Variants in RAD54L observed in about 807,000 individuals in gnomAD.
RAD54L encodes the protein RAD54 like.
A neutral mutation model predicts 91.6 loss-of-function variants in RAD54L; 74 were observed. The ratio of observed to expected loss-of-function variants is 0.81; its 90% CI spans 0.67 to 0.98. The LOEUF is 0.98. Among genes scored for constraint, RAD54L ranks in the 50% least tolerant of loss-of-function variants. The probability of loss-of-function intolerance (pLI) is 0.00; values close to 1 mark genes in which losing one functional copy is unlikely to be tolerated. For synonymous variants in RAD54L, 304 were observed against 349.7 expected, an observed-to-expected ratio of 0.87 and a Z score of 1.46; for missense variants, 887 against 945.7, an observed-to-expected ratio of 0.94 and a Z score of 0.81.
chr1:46,251,385 ACACAAAC>A (rs1452569206), intron 3 of RAD54L, among the ~76,000 whole-genome samples: 2 of 152,190 alleles, frequency 1.3e-5, no homozygotes, highest in East Asian at 3.8e-4. Context: ...AAGTTATAAA[ACACAAAC>A]ACCCGTGAAC....
intron 4 of RAD54L, 130 bp downstream of exon 4, chr1:46,258,876 G>A (rs1446417570): frequency 2.6e-6 from 2 of 769,644 alleles, no homozygotes; most frequent in Non-Finnish European, 4.5e-6. Context: ...GGCTGTGTTT[G>A]GGGTGACCCT....
intron 3 of RAD54L, among the ~76,000 whole-genome samples, chr1:46,252,245 T>A (rs1452192332): frequency 6.6e-6 from 1 of 152,044 alleles, no homozygotes; most frequent in Non-Finnish European, 1.5e-5. Flanking sequence ...GTTGGAGAGC[T>A]GTGCAGTGGC....
chr1:46,274,866 C>A, intron 16 of RAD54L, 149 bp downstream of exon 16: 1 of 925,716 alleles, frequency 1.1e-6, no homozygotes, highest in Non-Finnish European at 1.7e-6. Context: ...TTCTTCTGTT[C>A]TCCCTCCCCT....
chr1:46,250,712 C>T (rs1177772578), intron 3 of RAD54L, among the ~76,000 whole-genome samples: 3 of 152,168 alleles, frequency 2.0e-5, no homozygotes, highest in African/African-American at 7.2e-5. Flanking sequence ...GGGTGGTTCA[C>T]GCCTGTAATC....
chr1:46,260,234 GA>G, intron 5 of RAD54L, 135 bp downstream of exon 5: 1 of 1,388,750 alleles, frequency 7.2e-7, no homozygotes, highest in Non-Finnish European at 1.0e-6. Flanking sequence ...ATTGGGGAAG[GA>G]GACTGCCTGG....
At chr1:46,277,677 T>TA in intron 16 of RAD54L, 140 bp from the exon 17 acceptor site, 1 of 967,926 alleles carries the variant, frequency 1.0e-6, no homozygotes, top group Admixed American at 1.9e-5. Flanking sequence ...TGAGTAGAGA[T>TA]AATGTTCTGG....
At position 46,272,655 on chromosome 1, in the gene RAD54L, C is replaced by T. The variant is rs760565884; in HGVS notation, c.1245-17C>T. On this transcript the variant is annotated splice_polypyrimidine_tract_variant and intron_variant, in intron 11 of 17. Transcript: ENST00000371975. Reference sequence around the variant, plus strand: ...GGGTGGTCTAGCTTTTTCCACTGACCCAGCTGCCTTTTTTAGGCTGACACC... The same window carrying T: ...GGGTGGTCTAGCTTTTTCCACTGACTCAGCTGCCTTTTTTAGGCTGACACC... 1 of 1,614,056 alleles carries T rather than the reference C, an allele frequency of 6.2e-7. No individual in the cohort carries two copies. Among genetic ancestry groups the T allele is most frequent in the South Asian group, 1.1e-5 (1 of 91,074 alleles).
Position 46,278,131 on chromosome 1 carries a change from A to G in RAD54L, c.2093A>G (p.Asp698Gly). 6.2e-7 allele frequency: 1 copy of G among 1,613,866 alleles called. No individual in the cohort carries two copies. The highest frequency in any genetic ancestry group is 8.5e-7 in the Non-Finnish European group (1 of 1,179,918). Residue 698 changes from aspartate (D) to glycine (G), a missense_variant, in exon 18 of 18, where the codon GAC becomes GGC. Asp to Gly is a moderately conservative substitution (Grantham distance 94). Coordinates refer to ENST00000371975, the MANE Select transcript of RAD54L (RefSeq NM_003579.4). ...ATCCGGCCACCCCCTGATGGTTCTGACTGCACTTCAGACCTGGCAGGGTGG... is the reference window on the plus strand; with the variant it reads ...ATCCGGCCACCCCCTGATGGTTCTGGCTGCACTTCAGACCTGGCAGGGTGG... ...RQIRPPPDGS[D>G]CTSDLAGWNH...
chr1:46,247,792 TGA>T lies in RAD54L; in HGVS notation c.-606_-605del, dbSNP rs980820644. 34 of 164,050 alleles carry T rather than the reference TGA, an allele frequency of 2.1e-4. No homozygotes were observed. Among genetic ancestry groups the T allele is most frequent in the Admixed American group, 9.1e-4 (16 of 17,518 alleles). 10.2% of individuals were successfully genotyped at this position (164,050 alleles called of 1,614,324 possible). ...ACGCGCGCTTTGGGAACAGGAAGGTTGAGAGAGAGGTGCTGGGGTCTGCGTCT... is the reference window on the plus strand; with the variant it reads ...ACGCGCGCTTTGGGAACAGGAAGGTTGAGAGAGGTGCTGGGGTCTGCGTCT... On this transcript the variant is annotated 5_prime_UTR_variant, in exon 1 of 18. Transcript: ENST00000371975.
Position 46,267,534 on chromosome 1 carries a change from A to G in RAD54L, c.967A>G (p.Ile323Val), listed in dbSNP as rs758431541. 12 of 1,613,852 alleles carry G rather than the reference A, an allele frequency of 7.4e-6. No homozygotes were observed. The highest frequency in any genetic ancestry group is 9.3e-6 in the Non-Finnish European group (11 of 1,179,894). Residue 323 changes from isoleucine to valine, a missense_variant, in exon 9 of 18, where the codon ATC becomes GTC. Coordinates refer to ENST00000371975, the MANE Select transcript of RAD54L (RefSeq NM_003579.4). ...CTTGAACACCAGCCGGCGGGTGCTC[A>G]TCTCCGGAACTCCCATCCAGAATGA... ...DSLNTSRRVLISGTPIQNDLL... is the reference protein window; with the variant it reads ...DSLNTSRRVLVSGTPIQNDLL...
At position 46,260,084 on chromosome 1, in the gene RAD54L, A is replaced by G; in HGVS notation, c.392A>G (p.Gln131Arg). 4.3e-6 allele frequency: 7 copies of G among 1,614,240 alleles called. No individual in the cohort carries two copies. The South Asian group carries it at 6.6e-5, about 15-fold the overall frequency. Reference sequence around the variant, plus strand: ...CCTCCCCCGCTGAGCGCTCATGACCAGCTGAAGCTTGACAAGTATGTGCAC... The same window carrying G: ...CCTCCCCCGCTGAGCGCTCATGACCGGCTGAAGCTTGACAAGTATGTGCAC... Reference protein sequence around the residue: ...YEPPPLSAHDQLKLDKEKLPV... With the variant: ...YEPPPLSAHDRLKLDKEKLPV... The change falls in exon 5 of 18, where the codon CAG (glutamine) becomes CGG (arginine). Residue 131 changes from glutamine to arginine, a missense_variant. Gln to Arg is a conservative substitution (Grantham distance 43). Coordinates refer to ENST00000371975, the MANE Select transcript of RAD54L (RefSeq NM_003579.4).
chr1:46,273,756 G>T lies in RAD54L; in HGVS notation c.1610+9G>T, dbSNP rs753691338. ...CTGTGCCGTGCCCGAAGGTAGGGAA[G>T]ATCCTAACCAGGATGCCAAAGGGGG... is the stretch of plus-strand genomic sequence containing the variant. On this transcript the variant is annotated intron_variant, in intron 14 of 17. Coordinates refer to ENST00000371975, the MANE Select transcript of RAD54L (RefSeq NM_003579.4). 6 of 1,599,216 alleles carry T rather than the reference G, an allele frequency of 3.8e-6. No homozygotes were observed. In the Admixed American group the frequency reaches 7.0e-5, roughly 19 times the overall value.
At position 46,261,378 on chromosome 1, in the gene RAD54L, G is replaced by A; in HGVS notation, c.884G>A (p.Cys295Tyr). The change falls in exon 8 of 18, where the codon TGT becomes TAT. Residue 295 changes from cysteine to tyrosine, a missense_variant. Cys to Tyr is a radical substitution (Grantham distance 194, BLOSUM62 -2). Transcript: ENST00000371975. ...AAAGGAAGTGTTGGTCTGGTCATATGTGACGAGGTACTTGACTCTCAGCAG... is the reference window on the plus strand; with the variant it reads ...AAAGGAAGTGTTGGTCTGGTCATATATGACGAGGTACTTGACTCTCAGCAG... ...LQKGSVGLVI[C>Y]DEGHRLKNSE... is the part of the protein sequence containing the mutation. 1 of 1,614,102 alleles carries A rather than the reference G, an allele frequency of 6.2e-7. No homozygotes were observed. Among genetic ancestry groups the A allele is most frequent in the South Asian group, 1.1e-5 (1 of 91,068 alleles).
rs80065359 is a variant in RAD54L, at chr1:46,252,900, A to G, written c.210+2781A>G. ...AACTTGAACAACATAGTGAGACCCTATTTCTAAAAAACAATAAATAAATTG... is the reference window on the plus strand; with the variant it reads ...AACTTGAACAACATAGTGAGACCCTGTTTCTAAAAAACAATAAATAAATTG... On this transcript the variant is annotated intron_variant, in intron 3 of 17. Transcript: ENST00000371975. Among the ~76,000 whole-genome samples, 84 of 152,096 alleles carry G rather than the reference A, an allele frequency of 5.5e-4. 1 individual carries two copies. In the East Asian group the frequency reaches 0.014, roughly 25 times the overall value.
chr1:46,250,421 G>T (rs1659765650), intron 3 of RAD54L, among the ~76,000 whole-genome samples: 1 of 152,134 alleles, frequency 6.6e-6, no homozygotes, highest in Non-Finnish European at 1.5e-5. Flanking sequence ...ATGACTTTAA[G>T]GTGTACCAGA....
chr1:46,273,789 C>T (rs1419738836), intron 14 of RAD54L, 42 bp downstream of exon 14: 1 of 1,567,610 alleles, frequency 6.4e-7, no homozygotes, highest in Admixed American at 1.9e-5. Flanking sequence ...GGGATATACC[C>T]CTCCCCTACT....
chr1:46,278,410 C>A lies in RAD54L; in HGVS notation c.*128C>A. 1 of 1,110,510 alleles carries A rather than the reference C, an allele frequency of 9.0e-7. No individual in the cohort carries two copies. 68.8% of individuals were successfully genotyped at this position (1,110,510 alleles called of 1,614,324 possible). ...TCAAGAAGGGCTGCATGATGTTTGC[C>A]CAAAATTTATTTTATAAGAAAAACT... is the stretch of plus-strand genomic sequence containing the variant. On this transcript the variant is annotated 3_prime_UTR_variant, in exon 18 of 18. Coordinates refer to ENST00000371975, the MANE Select transcript of RAD54L (RefSeq NM_003579.4).
chr1:46,260,678 ACAG>A, intron 6 of RAD54L, 46 bp from the exon 7 acceptor site: 1 of 1,613,940 alleles, frequency 6.2e-7, no homozygotes, highest in Non-Finnish European at 8.5e-7. Flanking sequence ...CATCCCTGGG[ACAG>A]CAGCAGCGTA....
chr1:46,250,439 A>C (rs1659766204), intron 3 of RAD54L, among the ~76,000 whole-genome samples: 1 of 152,164 alleles, frequency 6.6e-6, no homozygotes, highest in South Asian at 2.1e-4. Flanking sequence ...AGAGTCATGT[A>C]TTTCCTCTAG....
Sources: gnomAD v4.1 joint callset for allele counts (sites outside exome capture counted in the v4.1 genomes callset) on GRCh38, gnomAD v4.1.1 for gene constraint, MANE v1.5 for transcripts, NCBI Gene and HGNC (gene_info 2026-07-23, HGNC 2026-07-21) for gene names.